The following SPATA6 variants were observed in gnomAD, a reference collection of about 807,000 sequenced individuals.
The protein encoded by SPATA6 is spermatogenesis associated 6, also known as spermatogenesis-associated protein 6.
SPATA6 carries 56 observed loss-of-function variants against 65.3 expected under a neutral mutation model. The ratio of observed to expected loss-of-function variants is 0.86; its 90% confidence interval spans 0.69 to 1.07. SPATA6 has a LOEUF of 1.07. SPATA6 is among the 50% of genes least tolerant of loss of function. The pLI, the probability that SPATA6 is intolerant of heterozygous loss-of-function variation, is 0.00. For synonymous variants in SPATA6, 199 were observed against 213.2 expected, an observed-to-expected ratio of 0.93 and a Z score of 0.58; for missense variants, 590 against 594.8, an observed-to-expected ratio of 0.99 and a Z score of 0.08.
intron 1 of SPATA6, among the ~76,000 whole-genome samples, chr1:48,458,349 G>A (rs190878712): frequency 9.7e-4 from 147 of 152,230 alleles, no homozygotes; most frequent in Non-Finnish European, 1.8e-3. Flanking sequence ...GCCATAAAAA[G>A]AAATAAACTA....
chr1:48,288,885 G>GGCCT, the SPATA6 span, among the ~76,000 whole-genome samples: 1 of 152,222 alleles, frequency 6.6e-6, no homozygotes, highest in African/African-American at 2.4e-5. Flanking sequence ...AGCTCAACGA[G>GGCCT]GCCTGCCTGC....
the SPATA6 span, among the ~76,000 whole-genome samples, chr1:48,273,059 C>T: frequency 1.3e-5 from 2 of 151,996 alleles, no homozygotes; most frequent in Non-Finnish European, 1.5e-5. Flanking sequence ...TTCCTCATTC[C>T]GAATATTGTC....
At chr1:48,310,848 T>A (rs1316330117) in intron 11 of SPATA6, among the ~76,000 whole-genome samples, 1 of 152,114 alleles carries the variant, frequency 6.6e-6, no homozygotes, top group African/African-American at 2.4e-5. Flanking sequence ...TTTCAATAAA[T>A]TTGAAAGAAC....
chr1:48,472,014 C>T lies in SPATA6; in HGVS notation c.-6G>A, dbSNP rs758368067. ...AGCGCCTTCACCTTCGGCATCCGTG[C>T]GGGGAGGGGCGGCGGGGAGTGACCC... On this transcript the variant is annotated 5_prime_UTR_variant, in exon 1 of 13. Coordinates refer to ENST00000371847, the MANE Select transcript of SPATA6 (RefSeq NM_019073.4). 7.4e-6 allele frequency: 10 copies of T among 1,350,624 alleles called. No homozygotes were observed. The highest frequency in any genetic ancestry group is 7.8e-6 in the Non-Finnish European group (8 of 1,029,412). The allele number at this position is 1,350,624 out of a possible 1,614,324, so 83.7% of individuals were successfully genotyped here. A position where few individuals can be genotyped will look rare whatever the true frequency, so the allele number is the denominator to read the frequency against.
chr1:48,445,052 A>G (rs1557718538), intron 3 of SPATA6, among the ~76,000 whole-genome samples: 1 of 152,236 alleles, frequency 6.6e-6, no homozygotes. Flanking sequence ...ATTTTAGACA[A>G]TAGGAAATGT....
At chr1:48,299,631 T>C (rs1213702842) in intron 12 of SPATA6, among the ~76,000 whole-genome samples, 1 of 150,722 alleles carries the variant, frequency 6.6e-6, no homozygotes, top group Non-Finnish European at 1.5e-5. Context: ...TATTTAACTA[T>C]CCAGAGTCTC....
chr1:48,448,246 G>C (rs1656243939), intron 3 of SPATA6, among the ~76,000 whole-genome samples: 1 of 142,338 alleles, frequency 7.0e-6, no homozygotes, highest in African/African-American at 2.7e-5. Context: ...GGGTGACAGA[G>C]GAAGATCCTG....
chr1:48,286,077 T>C, the SPATA6 span, among the ~76,000 whole-genome samples: 6 of 152,240 alleles, frequency 3.9e-5, no homozygotes, highest in African/African-American at 1.4e-4. Flanking sequence ...ATTATAGCTT[T>C]GTAATAAAAT....
chr1:48,317,076 G>A (rs1260370403), intron 11 of SPATA6, among the ~76,000 whole-genome samples: 1 of 152,174 alleles, frequency 6.6e-6, no homozygotes, highest in Non-Finnish European at 1.5e-5. Flanking sequence ...TTACACTGTT[G>A]GTGGGACTGT....
chr1:48,314,181 C>A (rs1367116517), intron 11 of SPATA6, among the ~76,000 whole-genome samples: 3 of 152,144 alleles, frequency 2.0e-5, no homozygotes, highest in Admixed American at 2.0e-4. Context: ...CAGCTCTGCA[C>A]CAAGCAGACC....
chr1:48,323,751 TA>T (rs904292092), intron 11 of SPATA6, among the ~76,000 whole-genome samples: 2 of 150,830 alleles, frequency 1.3e-5, no homozygotes, highest in African/African-American at 2.5e-5. Flanking sequence ...TTGGAAAACC[TA>T]AAAAAAATGT....
intron 10 of SPATA6, among the ~76,000 whole-genome samples, chr1:48,356,898 TAATC>T (rs1451036716): frequency 6.6e-6 from 1 of 152,204 alleles, no homozygotes; most frequent in Non-Finnish European, 1.5e-5. Context: ...AAGTAATGAA[TAATC>T]AATTATCTAA....
chr1:48,290,992 C>T (rs1340390953), downstream of SPATA6, among the ~76,000 whole-genome samples: 4 of 152,134 alleles, frequency 2.6e-5, no homozygotes, highest in Admixed American at 6.5e-5. Flanking sequence ...CTGCACCAAG[C>T]AGACCTAATA....
chr1:48,461,867 C>T (rs147723501), intron 1 of SPATA6, among the ~76,000 whole-genome samples: 3,757 of 152,252 alleles, frequency 0.025, 100 homozygotes, highest in African/African-American at 0.067. Context: ...GGACTATAAA[C>T]CATGCTGCTG....
intron 9 of SPATA6, among the ~76,000 whole-genome samples, chr1:48,369,605 G>A (rs1329488490): frequency 6.6e-6 from 1 of 152,244 alleles, no homozygotes; most frequent in East Asian, 1.9e-4. Context: ...ATCTCCTGGT[G>A]TGCCGTTTTT....
chr1:48,373,190 C>G (rs1377125189), intron 9 of SPATA6, among the ~76,000 whole-genome samples: 1 of 152,216 alleles, frequency 6.6e-6, no homozygotes, highest in Admixed American at 6.5e-5. Context: ...CCTTATAAAA[C>G]AGAATGCCTT....
At position 48,465,904 on chromosome 1, in the gene SPATA6, T is replaced by C. The variant is rs1177383719; in HGVS notation, c.51+6054A>G. ...TTTAAAAAGACTTTGTGTTTATAAA[T>C]AAACAGATAATTGATTATCAACTGC... On this transcript the variant is annotated intron_variant, in intron 1 of 12. Transcript: ENST00000371847. Among the ~76,000 whole-genome samples the C allele has an allele frequency of 2.0e-5, 3 of 152,142 alleles. No individual in the cohort carries two copies. The East Asian group carries it at 5.8e-4, about 29-fold the overall frequency.
chr1:48,360,999 T>G (rs1646795889), intron 9 of SPATA6, among the ~76,000 whole-genome samples: 1 of 152,086 alleles, frequency 6.6e-6, no homozygotes, highest in Admixed American at 6.6e-5. Flanking sequence ...ATATTAGGAG[T>G]CTAGTTTTGG....
At chr1:48,471,393 C>T (rs1220642378) in intron 1 of SPATA6, among the ~76,000 whole-genome samples, 2 of 152,134 alleles carry the variant, frequency 1.3e-5, no homozygotes, top group Non-Finnish European at 2.9e-5. Flanking sequence ...TCCTGTAAGG[C>T]CCTGGGAGGG....
Sources: allele counts gnomAD v4.1 joint callset (sites outside exome capture counted in the v4.1 genomes callset), GRCh38; gene constraint gnomAD v4.1.1; transcripts MANE v1.5; gene names NCBI Gene and HGNC (gene_info 2026-07-23, HGNC 2026-07-21).